The following PPP4R4 variants were observed in gnomAD, a reference collection of about 807,000 sequenced individuals.
PPP4R4 encodes the protein protein phosphatase 4 regulatory subunit 4, also known as serine/threonine-protein phosphatase 4 regulatory subunit 4.
A neutral mutation model predicts 121.8 loss-of-function variants in PPP4R4; 70 were observed. The observed-to-expected ratio is 0.57, with a 90% CI of 0.47 to 0.70. PPP4R4 has a LOEUF of 0.70. PPP4R4 is among the 30% of genes least tolerant of loss of function. PPP4R4 has a pLI of 0.00. For missense variants in PPP4R4, 875 were observed against 1,033.6 expected, an observed-to-expected ratio of 0.85 and a Z score of 2.10; for synonymous variants, 348 against 355.7, an observed-to-expected ratio of 0.98 and a Z score of 0.24.
chr14:94,265,017 C>A (rs2139643010), intron 20 of PPP4R4, 70 bp downstream of exon 20: 1 of 1,238,268 alleles, frequency 8.1e-7, no homozygotes, highest in Non-Finnish European at 1.1e-6. Context: ...TTCTGAAAGA[C>A]CATGCTGAAT....
chr14:94,266,843 C>A (rs1229458522), intron 22 of PPP4R4, 116 bp from the exon 23 acceptor site: 2 of 668,108 alleles, frequency 3.0e-6, no homozygotes, highest in Non-Finnish European at 2.6e-6. Context: ...AAGCAACAAA[C>A]GTTTCATAAG....
intron 2 of PPP4R4, among the ~76,000 whole-genome samples, chr14:94,191,439 G>C (rs1427050714): frequency 6.6e-6 from 1 of 152,132 alleles, no homozygotes; most frequent in African/African-American, 2.4e-5. Context: ...AGTGTGTAAT[G>C]ATCAAATCAG....
chr14:94,238,753 C>T (rs1892475595), intron 8 of PPP4R4, among the ~76,000 whole-genome samples: 1 of 152,122 alleles, frequency 6.6e-6, no homozygotes, highest in African/African-American at 2.4e-5. Flanking sequence ...ATTACATTTA[C>T]TTGGATTACC....
At chr14:94,264,004 T>C (rs1487557361) in intron 19 of PPP4R4, among the ~76,000 whole-genome samples, 1 of 152,224 alleles carries the variant, frequency 6.6e-6, no homozygotes, top group Non-Finnish European at 1.5e-5. Context: ...TTTTCATGCC[T>C]ATTCTGTTAG....
chr14:94,224,269 T>A (rs981434076), intron 3 of PPP4R4, among the ~76,000 whole-genome samples: 2 of 152,114 alleles, frequency 1.3e-5, no homozygotes, highest in Non-Finnish European at 2.9e-5. Flanking sequence ...CAAGAGAATA[T>A]TCAAATTATA....
At chr14:94,174,979 C>A (rs1300711560) in intron 1 of PPP4R4, among the ~76,000 whole-genome samples, 1 of 146,864 alleles carries the variant, frequency 6.8e-6, no homozygotes, top group African/African-American at 2.5e-5. Flanking sequence ...TTCCGCCCCC[C>A]CCCCCCAAAG....
intron 23 of PPP4R4, among the ~76,000 whole-genome samples, chr14:94,273,393 T>A (rs1270694820): frequency 6.6e-6 from 1 of 152,062 alleles, no homozygotes; most frequent in Non-Finnish European, 1.5e-5. Context: ...TCCAACTATA[T>A]GACATTCTGG....
intron 13 of PPP4R4, among the ~76,000 whole-genome samples, chr14:94,246,039 C>G (rs1892876008): frequency 6.6e-6 from 1 of 151,950 alleles, no homozygotes; most frequent in Admixed American, 6.6e-5. Flanking sequence ...TTTAGGAGGT[C>G]AAAGCTTATT....
intron 24 of PPP4R4, among the ~76,000 whole-genome samples, chr14:94,276,366 G>A (rs1195126373): frequency 6.6e-6 from 1 of 152,216 alleles, no homozygotes; most frequent in Non-Finnish European, 1.5e-5. Flanking sequence ...GTTTTGCATT[G>A]CTATAAAGAA....
At chr14:94,265,078 C>T (rs1413757844) in intron 20 of PPP4R4, 131 bp downstream of exon 20, 4 of 887,280 alleles carry the variant, frequency 4.5e-6, no homozygotes, top group East Asian at 2.6e-5. Flanking sequence ...TTTGAAAAGT[C>T]GTTTTTGAAA....
intron 5 of PPP4R4, among the ~76,000 whole-genome samples, chr14:94,232,950 C>T (rs112740774): frequency 0.013 from 1,967 of 151,922 alleles, 41 homozygotes; most frequent in African/African-American, 0.045. Flanking sequence ...CCCAGCTACT[C>T]GGGAGGCTGA....
In PPP4R4 at chr14:94,241,814, A is replaced by T; in HGVS notation, c.1003A>T (p.Arg335Ter). Residue 335 changes from arginine (R) to a stop codon, truncating the protein, a stop_gained, in exon 10 of 25, where the codon AGA becomes TGA. Transcript: ENST00000304338. LOFTEE classifies it high-confidence loss of function. ...YGIFTPDQHLRFLEFYKKLCT... is the reference protein window; with the variant it reads ...YGIFTPDQHL Reference sequence around the variant, plus strand: ...AATTTTCACTCCAGATCAGCACTTGAGATTTTTGGAATTTTATAAGAAACT... The same window carrying T: ...AATTTTCACTCCAGATCAGCACTTGTGATTTTTGGAATTTTATAAGAAACT... The T allele has an allele frequency of 6.3e-7, 1 of 1,595,052 alleles. No homozygotes were observed. Among genetic ancestry groups the T allele is most frequent in the African/African-American group, 1.4e-5 (1 of 73,800 alleles).
At chr14:94,245,895 G>A (rs1351982981) in intron 13 of PPP4R4, among the ~76,000 whole-genome samples, 1 of 151,950 alleles carries the variant, frequency 6.6e-6, no homozygotes, top group Non-Finnish European at 1.5e-5. Flanking sequence ...ATTGTCTTTG[G>A]AGTTTATGTT....
intron 13 of PPP4R4, 122 bp from the exon 14 acceptor site, chr14:94,246,235 A>T (rs1166424885): frequency 1.4e-6 from 1 of 723,464 alleles, no homozygotes; most frequent in African/African-American, 1.8e-5. Context: ...GACAACTAAG[A>T]TGTCTCCTAA....
chr14:94,234,466 A>T, intron 6 of PPP4R4, 96 bp from the exon 7 acceptor site: 2 of 722,766 alleles, frequency 2.8e-6, no homozygotes, highest in Non-Finnish European at 4.6e-6. Context: ...TACATTTGTT[A>T]TTATTAAGGT....
At chr14:94,258,905 C>T (rs1225016405) in intron 18 of PPP4R4, 81 bp downstream of exon 18, 2 of 1,283,916 alleles carry the variant, frequency 1.6e-6, no homozygotes, top group East Asian at 4.7e-5. Context: ...GGGCAATTTA[C>T]AAAAGAAAGA....
chr14:94,243,455 G>T (rs1892734056), intron 11 of PPP4R4, among the ~76,000 whole-genome samples: 1 of 152,152 alleles, frequency 6.6e-6, no homozygotes, highest in East Asian at 1.9e-4. Context: ...GTACTTGTTA[G>T]ATCAGTGGTC....
intron 17 of PPP4R4, among the ~76,000 whole-genome samples, chr14:94,257,107 C>T (rs545389298): frequency 1.3e-5 from 2 of 152,136 alleles, no homozygotes; most frequent in Admixed American, 6.5e-5. Flanking sequence ...AGAATAGAGA[C>T]CTCTTACCTG....
intron 11 of PPP4R4, among the ~76,000 whole-genome samples, chr14:94,243,568 GT>G (rs1207784157): frequency 6.6e-6 from 1 of 151,986 alleles, no homozygotes; most frequent in Non-Finnish European, 1.5e-5. Flanking sequence ...TTTTATTTAT[GT>G]TTTATAGTAG....
Sources: gnomAD v4.1 joint callset for allele counts (sites outside exome capture counted in the v4.1 genomes callset) on GRCh38, gnomAD v4.1.1 for gene constraint, MANE v1.5 for transcripts, NCBI Gene and HGNC (gene_info 2026-07-23, HGNC 2026-07-21) for gene names.